ROPN1L: variants seen among roughly 807,000 people sequenced by gnomAD.
ROPN1L encodes rhophilin associated tail protein 1 like, also known as ropporin-1-like protein.
Under a neutral mutation model 22.7 loss-of-function variants are expected in ROPN1L, and 23 were observed. That is an observed-to-expected ratio of 1.01 (90% CI 0.73 to 1.43). The LOEUF is 1.43. Ranked by LOEUF, ROPN1L falls within the 40% of genes most tolerant of loss-of-function variation. The probability of loss-of-function intolerance (pLI) is 0.00; values close to 1 mark genes in which losing one functional copy is unlikely to be tolerated. For missense variants in ROPN1L, 271 were observed against 291.5 expected (o/e 0.93, Z 0.51); for synonymous variants, 116 against 117.8 (o/e 0.98, Z 0.10).
chr5:10,463,370 G>C (rs573929395), intron 4 of ROPN1L, among the ~76,000 whole-genome samples: 7 of 152,330 alleles, frequency 4.6e-5, no homozygotes, highest in African/African-American at 1.7e-4. Context: ...CTACCTATGG[G>C]GAGGCAGAGA....
chr5:10,456,473 A>G (rs1210957792), intron 3 of ROPN1L, among the ~76,000 whole-genome samples: 2 of 152,188 alleles, frequency 1.3e-5, no homozygotes, highest in African/African-American at 4.8e-5. Flanking sequence ...GGGTGACAAG[A>G]GTAAAACTCC....
At chr5:10,472,840 G>A (rs528997961), downstream of ROPN1L, among the ~76,000 whole-genome samples, 1 of 152,270 alleles carries the variant, frequency 6.6e-6, no homozygotes, top group African/African-American at 2.4e-5. Context: ...TAGGTGAAGA[G>A]AAAGAGAGAT....
chr5:10,476,475 G>A (rs143922909), downstream of ROPN1L, among the ~76,000 whole-genome samples: 1,012 of 152,338 alleles, frequency 6.6e-3, 9 homozygotes, highest in African/African-American at 0.024. Context: ...CTGCTAGGGA[G>A]CACAGATTTT....
Position 10,452,315 on chromosome 5 carries a change from C to CTGTG in ROPN1L, c.417+2224_417+2227dup, listed in dbSNP as rs70947209. Among the ~76,000 whole-genome samples the CTGTG allele has an allele frequency of 4.7e-3, 588 of 125,450 alleles. 6 individuals are homozygous for CTGTG. The highest frequency in any genetic ancestry group is 0.016 in the African/African-American group (527 of 32,506). 82.3% of individuals were successfully genotyped at this position (125,450 alleles called of 152,430 possible). A position where few individuals can be genotyped will look rare whatever the true frequency, so the allele number is the denominator to read the frequency against. ...TGTGTGTGTGTGTGTGTGTGTGTGT[C>CTGTG]TGTGTGTGTGTGTGTGTGTGTGTGT... On this transcript the variant is annotated intron_variant, in intron 3 of 4. Transcript: ENST00000274134.
At chr5:10,481,795 C>T in the ROPN1L span, 1 of 152,206 alleles carries the variant, frequency 6.6e-6, no homozygotes, top group East Asian at 1.9e-4. Flanking sequence ...AGTAAGCAAA[C>T]ACACCTAACC....
chr5:10,476,703 A>G (rs1381975428), downstream of ROPN1L, among the ~76,000 whole-genome samples: 2 of 152,262 alleles, frequency 1.3e-5, no homozygotes, highest in African/African-American at 2.4e-5. Flanking sequence ...AAGAGTTAGA[A>G]TGAGCATTAA....
chr5:10,474,617 G>A (rs574523385), downstream of ROPN1L, among the ~76,000 whole-genome samples: 19 of 152,218 alleles, frequency 1.2e-4, no homozygotes, highest in East Asian at 1.9e-4. Context: ...TTGCAGCCTC[G>A]GCCCACGCCA....
intron 1 of ROPN1L, among the ~76,000 whole-genome samples, chr5:10,443,553 C>T (rs1300190070): frequency 6.6e-6 from 1 of 151,162 alleles, no homozygotes; most frequent in Non-Finnish European, 1.5e-5. Flanking sequence ...ACCCGGGAAG[C>T]GGAGCTTGCA....
downstream of ROPN1L, among the ~76,000 whole-genome samples, chr5:10,470,004 A>G (rs1034880465): frequency 1.3e-5 from 2 of 152,204 alleles, no homozygotes; most frequent in African/African-American, 4.8e-5. Context: ...TAACTTACAA[A>G]TCGTTTTCAA....
At chr5:10,470,175 C>T (rs1472935500) in intron 4 of ROPN1L, among the ~76,000 whole-genome samples, 2 of 152,182 alleles carry the variant, frequency 1.3e-5, no homozygotes, top group Non-Finnish European at 2.9e-5. Context: ...CCCTTGTCAG[C>T]CTGCGGCTTT....
At chr5:10,465,140 T>G (rs2126473925), downstream of ROPN1L, 1 of 401,626 alleles carries the variant, frequency 2.5e-6, no homozygotes, top group South Asian at 7.5e-5. Context: ...TGTAAGAAGT[T>G]GATAACAGTA....
In ROPN1L at chr5:10,470,483, C is replaced by T. The variant is rs537245587; in HGVS notation, n.886-1327C>T. On this transcript the variant is annotated intron_variant and non_coding_transcript_variant, in intron 4 of 4. Coordinates refer to the ROPN1L transcript ENST00000510520. ...AACTCTTCCATCCAACAGCATTCCC[C>T]GTATCTGTCCCATTTCCCCGTTCTG... is the stretch of plus-strand genomic sequence containing the variant. 2.2e-3 allele frequency among the ~76,000 whole-genome samples: 340 copies of T among 152,364 alleles called. 1 individual carries two copies. Among genetic ancestry groups the T allele is most frequent in the African/African-American group, 7.7e-3 (319 of 41,588 alleles).
At position 10,461,475 on chromosome 5, in the gene ROPN1L, AATC is replaced by A. The variant is rs1377394634; in HGVS notation, c.593+118_593+120del. ...TCCTTTGCTCTCTCACCACAACAAT[AATC>A]AACACAGAAGACTGCTATGATCAAA... On this transcript the variant is annotated intron_variant, in intron 4 of 4. Transcript: ENST00000274134. 5.7e-6 allele frequency: 5 copies of A among 883,452 alleles called. No individual in the cohort carries two copies. The East Asian group carries it at 1.2e-4, about 21-fold the overall frequency. The allele number at this position is 883,452 out of a possible 1,614,324, so 54.7% of individuals were successfully genotyped here.
chr5:10,445,189 C>G (rs778381456), intron 1 of ROPN1L, among the ~76,000 whole-genome samples: 17 of 151,494 alleles, frequency 1.1e-4, no homozygotes, highest in Non-Finnish European at 2.1e-4. Context: ...CCACGCTGGT[C>G]TGGAACTCCT....
In ROPN1L at chr5:10,470,901, C is replaced by G. The variant is rs148252182; in HGVS notation, n.886-909C>G. ...GCCCCCCTGCCACGTACGGGTTTTGCAGCTAATTAAGTTCTCATCCCAGTG... is the reference window on the plus strand; with the variant it reads ...GCCCCCCTGCCACGTACGGGTTTTGGAGCTAATTAAGTTCTCATCCCAGTG... On this transcript the variant is annotated intron_variant and non_coding_transcript_variant, in intron 4 of 4. Coordinates refer to the ROPN1L transcript ENST00000510520. Among the ~76,000 whole-genome samples, 333 of 152,320 alleles carry G rather than the reference C, an allele frequency of 2.2e-3. 1 individual carries two copies. The highest frequency in any genetic ancestry group is 7.0e-3 in the African/African-American group (291 of 41,560).
At chr5:10,464,100 G>A (rs750438653) in intron 4 of ROPN1L, among the ~76,000 whole-genome samples, 5 of 152,144 alleles carry the variant, frequency 3.3e-5, no homozygotes, top group African/African-American at 7.2e-5. Context: ...AGCCGTCCTC[G>A]TCTCCTTGTC....
chr5:10,473,559 AT>A, downstream of ROPN1L, among the ~76,000 whole-genome samples: 1 of 152,308 alleles, frequency 6.6e-6, no homozygotes, highest in South Asian at 2.1e-4. Context: ...GAGACAAGAA[AT>A]TGTTGCTGTT....
chr5:10,447,786 C>T (rs2936593), intron 1 of ROPN1L, among the ~76,000 whole-genome samples: 23,483 of 152,032 alleles, frequency 0.15, 2,984 homozygotes, highest in East Asian at 0.66. Context: ...GAGGCTGAGG[C>T]GGGAGGATCC....
At chr5:10,478,432 C>T in the ROPN1L span, among the ~76,000 whole-genome samples, 4 of 152,190 alleles carry the variant, frequency 2.6e-5, no homozygotes, top group African/African-American at 9.7e-5. Context: ...CTTCTAGCTT[C>T]CCGGACTTGA....
Sources: gnomAD v4.1 joint callset for allele counts (sites outside exome capture counted in the v4.1 genomes callset) on GRCh38, gnomAD v4.1.1 for gene constraint, MANE v1.5 for transcripts, NCBI Gene and HGNC (gene_info 2026-07-23, HGNC 2026-07-21) for gene names.